The following PALLD variants were observed in gnomAD, a reference collection of about 807,000 sequenced individuals.
The protein encoded by PALLD is palladin.
PALLD carries 61 observed loss-of-function variants against 123.5 expected under a neutral mutation model. The ratio of observed to expected loss-of-function variants is 0.49; its 90% CI spans 0.40 to 0.61. The LOEUF (loss-of-function observed/expected upper bound fraction) is 0.61, where lower values mean the gene tolerates loss of function less well. PALLD is among the 20% of genes least tolerant of loss of function. The pLI is 0.00. For missense variants in PALLD, 1,273 were observed against 1,377.0 expected, an observed-to-expected ratio of 0.92 and a Z score of 1.20; for synonymous variants, 465 against 496.4, an observed-to-expected ratio of 0.94 and a Z score of 0.84.
chr4:168,553,401 A>G (rs1443236647), intron 2 of PALLD, among the ~76,000 whole-genome samples: 2 of 152,362 alleles, frequency 1.3e-5, no homozygotes, highest in Non-Finnish European at 2.9e-5. Context: ...TATAAGAGTC[A>G]TTAATGCAAG....
At chr4:168,913,030 T>A (rs1759319156) in intron 15 of PALLD, among the ~76,000 whole-genome samples, 2 of 152,202 alleles carry the variant, frequency 1.3e-5, no homozygotes, top group South Asian at 4.1e-4. Context: ...GAACATGGCT[T>A]CATTTAGTCA....
chr4:168,782,356 A>G (rs921041879), intron 10 of PALLD, among the ~76,000 whole-genome samples: 1 of 152,244 alleles, frequency 6.6e-6, no homozygotes, highest in African/African-American at 2.4e-5. Flanking sequence ...ATAGGCAGAT[A>G]GTGTCTAGAA....
At chr4:168,548,296 CT>C (rs1766371714) in intron 2 of PALLD, among the ~76,000 whole-genome samples, 2 of 150,314 alleles carry the variant, frequency 1.3e-5, no homozygotes, top group East Asian at 1.9e-4. Context: ...CTCTTCCTTA[CT>C]TTTTTTCAGA....
chr4:168,617,686 A>C (rs749948416), intron 2 of PALLD, among the ~76,000 whole-genome samples: 3 of 152,220 alleles, frequency 2.0e-5, no homozygotes, highest in Non-Finnish European at 4.4e-5. Context: ...TTCGAACTTC[A>C]GTGTCCAACA....
At chr4:168,816,741 A>G (rs1286614732) in intron 10 of PALLD, among the ~76,000 whole-genome samples, 1 of 151,930 alleles carries the variant, frequency 6.6e-6, no homozygotes, top group Admixed American at 6.6e-5. Flanking sequence ...TACTCCTTAA[A>G]TGGGCATAAC....
chr4:168,764,495 A>G lies in PALLD; in HGVS notation c.1964+52572A>G, dbSNP rs537760118. On this transcript the variant is annotated intron_variant, in intron 10 of 21. Transcript: ENST00000505667. Reference sequence around the variant, plus strand: ...TTCACAGGTGCAGTCATAGCACACTACGGCCTCAAATTCCTGGGCTCAAGA... The same window carrying G: ...TTCACAGGTGCAGTCATAGCACACTGCGGCCTCAAATTCCTGGGCTCAAGA... Among the ~76,000 whole-genome samples, 4 of 152,210 alleles carry G rather than the reference A, an allele frequency of 2.6e-5. No homozygotes were observed. The South Asian group carries it at 8.3e-4, about 32-fold the overall frequency.
chr4:168,510,873 C>G (rs896610383), intron 1 of PALLD, among the ~76,000 whole-genome samples: 1 of 152,198 alleles, frequency 6.6e-6, no homozygotes, highest in Non-Finnish European at 1.5e-5. Flanking sequence ...CCCTGGCATA[C>G]AGCACAGCTG....
chr4:168,727,968 C>G (rs577029437), intron 10 of PALLD, among the ~76,000 whole-genome samples: 2 of 152,258 alleles, frequency 1.3e-5, no homozygotes, highest in South Asian at 4.1e-4. Context: ...AATAGGGAGT[C>G]CTTTTCCCCA....
intron 10 of PALLD, chr4:168,829,070 A>G (rs979499987): frequency 4.6e-5 from 7 of 152,240 alleles, no homozygotes; most frequent in African/African-American, 7.2e-5. Flanking sequence ...CAGTGCTTCT[A>G]CTGATACTAG....
chr4:168,924,635 TAA>T (rs1228817303), intron 19 of PALLD, among the ~76,000 whole-genome samples: 2 of 152,214 alleles, frequency 1.3e-5, no homozygotes, highest in African/African-American at 4.8e-5. Flanking sequence ...GGTGATTTCT[TAA>T]AAGTGTTTAT....
intron 10 of PALLD, among the ~76,000 whole-genome samples, chr4:168,777,906 C>T (rs1402318048): frequency 6.6e-6 from 1 of 152,172 alleles, no homozygotes; most frequent in Non-Finnish European, 1.5e-5. Context: ...AGGGAGCCAG[C>T]TGCCTCTGCC....
intron 2 of PALLD, among the ~76,000 whole-genome samples, chr4:168,522,316 G>A (rs151164708): frequency 6.6e-6 from 1 of 152,230 alleles, no homozygotes; most frequent in East Asian, 1.9e-4. Flanking sequence ...CTTTTATTTT[G>A]CATTTTCTTA....
intron 2 of PALLD, among the ~76,000 whole-genome samples, chr4:168,582,287 G>A (rs971550645): frequency 2.0e-5 from 3 of 152,028 alleles, no homozygotes; most frequent in African/African-American, 7.2e-5. Context: ...CATTGTTAGT[G>A]TACAGAAACA....
intron 10 of PALLD, among the ~76,000 whole-genome samples, chr4:168,886,915 G>A (rs1247196077): frequency 2.0e-5 from 3 of 151,624 alleles, no homozygotes; most frequent in Admixed American, 6.6e-5. Flanking sequence ...TCAGGAGTTC[G>A]AGACCAGCCT....
intron 8 of PALLD, among the ~76,000 whole-genome samples, chr4:168,707,337 T>C (rs548040618): frequency 2.0e-5 from 3 of 152,332 alleles, no homozygotes; most frequent in Admixed American, 1.3e-4. Flanking sequence ...TGGGTGGTTT[T>C]TGTGGTCTGT....
At chr4:168,693,191 A>G (rs1782807529) in intron 8 of PALLD, among the ~76,000 whole-genome samples, 1 of 147,036 alleles carries the variant, frequency 6.8e-6, no homozygotes, top group Non-Finnish European at 1.5e-5. Flanking sequence ...CTTATCCTAC[A>G]TACACTCCTT....
At chr4:168,847,308 A>G (rs986116553) in intron 10 of PALLD, among the ~76,000 whole-genome samples, 11 of 152,220 alleles carry the variant, frequency 7.2e-5, no homozygotes, top group Admixed American at 1.3e-4. Context: ...ACTTGAAGAG[A>G]GCATGTCTAT....
intron 2 of PALLD, among the ~76,000 whole-genome samples, chr4:168,559,149 C>T (rs1767610857): frequency 6.6e-6 from 1 of 152,064 alleles, no homozygotes; most frequent in Non-Finnish European, 1.5e-5. Flanking sequence ...GTAAATGGAA[C>T]TCTGGATTTT....
At chr4:168,650,431 A>C (rs1777923476) in intron 2 of PALLD, among the ~76,000 whole-genome samples, 3 of 152,204 alleles carry the variant, frequency 2.0e-5, no homozygotes, top group Admixed American at 1.3e-4. Flanking sequence ...ATTCTTTTTA[A>C]AGATTGCATA....
Sources: allele counts gnomAD v4.1 joint callset (sites outside exome capture counted in the v4.1 genomes callset), GRCh38; gene constraint gnomAD v4.1.1; transcripts MANE v1.5; gene names NCBI Gene and HGNC (gene_info 2026-07-23, HGNC 2026-07-21).